The following TUBA1C variants were observed in gnomAD, a reference collection of about 807,000 sequenced individuals.
TUBA1C encodes the protein tubulin alpha-1C chain.
In TUBA1C, 16 loss-of-function variants were observed where a neutral mutation model predicts 34.9. The observed-to-expected ratio is 0.46, with a 90% CI of 0.31 to 0.70. The LOEUF is 0.70. Ranked by LOEUF, TUBA1C falls within the 30% of genes least tolerant of loss-of-function variation. The probability of loss-of-function intolerance (pLI) is 0.05; values close to 1 mark genes in which losing one functional copy is unlikely to be tolerated. For synonymous variants in TUBA1C, 177 were observed against 215.9 expected, an observed-to-expected ratio of 0.82 and a Z score of 1.58; for missense variants, 329 against 587.3, an observed-to-expected ratio of 0.56 and a Z score of 4.55.
At chr12:49,253,300 CAA>C (rs887623126) in intron 1 of TUBA1C, among the ~76,000 whole-genome samples, 24 of 152,002 alleles carry the variant, frequency 1.6e-4, no homozygotes, top group African/African-American at 4.3e-4. Context: ...TGAGCACAAA[CAA>C]GAAAATAAAG....
Position 49,251,395 on chromosome 12 carries a change from G to A in TUBA1C, c.214-18070G>A, listed in dbSNP as rs551399248. ...AATATTACTCTGATACTAAAACCAG[G>A]TAAAGACACTGTAAGAAAAGTATAT... On this transcript the variant is annotated intron_variant, in intron 1 of 3. Transcript: ENST00000541364. 3.9e-5 allele frequency among the ~76,000 whole-genome samples: 6 copies of A among 152,146 alleles called. 1 individual carries two copies. The highest frequency in any genetic ancestry group is 6.8e-3 in the Middle Eastern group (2 of 294).
chr12:49,228,778 A>T (rs1310384872), intron 1 of TUBA1C, among the ~76,000 whole-genome samples: 3 of 152,176 alleles, frequency 2.0e-5, no homozygotes, highest in African/African-American at 7.2e-5. Flanking sequence ...GCGCTAACAC[A>T]ATCTGCAATT....
chr12:49,269,054 C>CT (rs1272759039), intron 1 of TUBA1C, among the ~76,000 whole-genome samples: 1 of 152,092 alleles, frequency 6.6e-6, no homozygotes, highest in African/African-American at 2.4e-5. Context: ...GAGTGGCCTG[C>CT]TGAAAGATGG....
At chr12:49,229,534 C>A (rs1453604920) in intron 1 of TUBA1C, among the ~76,000 whole-genome samples, 2 of 152,108 alleles carry the variant, frequency 1.3e-5, no homozygotes, top group African/African-American at 2.4e-5. Context: ...ACCCCTTATA[C>A]GAATAAATTA....
rs143331299 is a variant in TUBA1C at position 49,269,910 on chromosome 12, T to C, written c.309T>C (p.Tyr103=). The stretch of plus-strand genomic sequence containing the variant: ...GCAAGGAAGATGCTGCCAATAACTA[T>C]GCCCGAGGGCACTACACCATTGGCA... ...ITGKEDAANN[Y]ARGHYTIGKE... The change falls in exon 3 of 4, where the codon TAT becomes TAC. Residue 103 remains tyrosine (Y), a synonymous_variant. Coordinates refer to ENST00000301072, the MANE Select transcript of TUBA1C (RefSeq NM_032704.5). The C allele has an allele frequency of 1.3e-5, 21 of 1,614,074 alleles. No individual in the cohort carries two copies. In the African/African-American group the frequency reaches 2.5e-4, roughly 19 times the overall value.
intron 1 of TUBA1C, 157 bp downstream of exon 1, chr12:49,265,341 C>T (rs1034431981): frequency 1.9e-6 from 1 of 515,476 alleles, no homozygotes; most frequent in Non-Finnish European, 3.3e-6. Flanking sequence ...GCTGGAAGGT[C>T]GAGTTCACTT....
At chr12:49,265,045 C>A (rs1942885456), upstream of TUBA1C, 1 of 1,225,402 alleles carries the variant, frequency 8.2e-7, no homozygotes, top group Non-Finnish European at 1.0e-6. Flanking sequence ...GGCCGGGGAC[C>A]GGGTATATAA....
chr12:49,265,690 A>G (rs192811838), intron 1 of TUBA1C, among the ~76,000 whole-genome samples: 6 of 152,228 alleles, frequency 3.9e-5, no homozygotes, highest in Non-Finnish European at 7.4e-5. Flanking sequence ...AGAGCTTCCA[A>G]CTGCGCCAGT....
Position 49,273,525 on chromosome 12 carries a change from G to A in TUBA1C, c.*298G>A, listed in dbSNP as rs1334478978. On this transcript the variant is annotated 3_prime_UTR_variant, in exon 4 of 4. Coordinates refer to ENST00000301072, the MANE Select transcript of TUBA1C (RefSeq NM_032704.5). ...CTGCTTCAGCCTCCTAAGTAGCTGG[G>A]GACTGCAGGTGCACACCACCATGCC... The A allele has an allele frequency of 2.3e-6, 1 of 441,820 alleles. No individual in the cohort carries two copies. Among genetic ancestry groups the A allele is most frequent in the Non-Finnish European group, 4.2e-6 (1 of 239,980 alleles). The allele number at this position is 441,820 out of a possible 1,614,324, so 27.4% of individuals were successfully genotyped here. A position where few individuals can be genotyped will look rare whatever the true frequency, so the allele number is the denominator to read the frequency against.
At chr12:49,252,509 G>A (rs1348425876) in intron 1 of TUBA1C, among the ~76,000 whole-genome samples, 1 of 152,196 alleles carries the variant, frequency 6.6e-6, no homozygotes, top group African/African-American at 2.4e-5. Flanking sequence ...GTCATGAACT[G>A]AGAGTGAGAA....
intron 1 of TUBA1C, among the ~76,000 whole-genome samples, chr12:49,267,480 G>A (rs907511599): frequency 1.3e-5 from 2 of 152,162 alleles, no homozygotes; most frequent in Non-Finnish European, 1.5e-5. Flanking sequence ...CCAACATGGT[G>A]AAACCCCATC....
chr12:49,253,129 G>A (rs1325555639), intron 1 of TUBA1C, among the ~76,000 whole-genome samples: 1 of 149,912 alleles, frequency 6.7e-6, no homozygotes, highest in East Asian at 1.9e-4. Flanking sequence ...GAGTGGGAAA[G>A]TGAAAAATTA....
intron 3 of TUBA1C, among the ~76,000 whole-genome samples, chr12:49,270,910 C>T (rs1466936991): frequency 1.3e-5 from 2 of 151,950 alleles, no homozygotes; most frequent in African/African-American, 4.8e-5. Context: ...ACACGGGAGG[C>T]GGAGCTTGCA....
chr12:49,262,458 T>C (rs1240702847), upstream of TUBA1C, among the ~76,000 whole-genome samples: 1 of 133,976 alleles, frequency 7.5e-6, no homozygotes, highest in Non-Finnish European at 1.6e-5. Context: ...GGCTGATCAC[T>C]GAACCGTGTC....
chr12:49,254,484 C>CAAAAAA (rs764051406), intron 1 of TUBA1C, among the ~76,000 whole-genome samples: 74 of 29,444 alleles, frequency 2.5e-3, no homozygotes, highest in South Asian at 3.2e-3. Flanking sequence ...TCCATCTAAA[C>CAAAAAA]AAAAAAAAAA....
rs184004563 is a variant in TUBA1C, at chr12:49,241,874, T to A, written c.213+13708T>A. Among the ~76,000 whole-genome samples the A allele has an allele frequency of 2.1e-3, 316 of 152,078 alleles. 2 individuals are homozygous for A. Among genetic ancestry groups the A allele is most frequent in the Non-Finnish European group, 1.0e-3 (70 of 67,984 alleles). On this transcript the variant is annotated intron_variant, in intron 1 of 3. Transcript: ENST00000541364. Reference sequence around the variant, plus strand: ...TATGTTGCCCAGGCTGGTCACGAACTCCTGAGCTTGGGCAATCCGCTCACC... The same window carrying A: ...TATGTTGCCCAGGCTGGTCACGAACACCTGAGCTTGGGCAATCCGCTCACC...
intron 1 of TUBA1C, among the ~76,000 whole-genome samples, chr12:49,245,956 G>A (rs1942662564): frequency 6.6e-6 from 1 of 152,190 alleles, no homozygotes; most frequent in Non-Finnish European, 1.5e-5. Context: ...CCAGGCTGGA[G>A]TGCAGTGGCA....
chr12:49,271,196 A>G (rs74091021), intron 3 of TUBA1C, among the ~76,000 whole-genome samples: 357 of 152,338 alleles, frequency 2.3e-3, no homozygotes, highest in African/African-American at 8.1e-3. Flanking sequence ...TGCCCTGTGC[A>G]TTGATCTCAT....
At chr12:49,271,486 C>G (rs1471437654) in intron 3 of TUBA1C, among the ~76,000 whole-genome samples, 1 of 152,198 alleles carries the variant, frequency 6.6e-6, no homozygotes, top group Non-Finnish European at 1.5e-5. Context: ...TGGGCCAATA[C>G]TGTGCTTACT....
Sources: allele counts gnomAD v4.1 joint callset (sites outside exome capture counted in the v4.1 genomes callset), GRCh38; gene constraint gnomAD v4.1.1; transcripts MANE v1.5; gene names NCBI Gene and HGNC (gene_info 2026-07-23, HGNC 2026-07-21).